The following EPAS1 variants were observed in gnomAD, a reference collection of about 807,000 sequenced individuals.
EPAS1 encodes endothelial PAS domain protein 1.
In EPAS1, 23 loss-of-function variants were observed where a neutral mutation model predicts 87.9. That is an observed-to-expected ratio of 0.26 (90% CI 0.19 to 0.37). The LOEUF (loss-of-function observed/expected upper bound fraction) is 0.37. Among genes scored for constraint, EPAS1 ranks in the 10% least tolerant of loss-of-function variants. EPAS1 has a pLI of 1.00. For missense variants in EPAS1, 1,138 were observed against 1,120.7 expected (o/e 1.02, Z -0.22); for synonymous variants, 508 against 444.3 (o/e 1.14, Z -1.80).
rs114880207 is a variant in EPAS1, at chr2:46,369,752, G to T, written c.780-75G>T. 5.2e-4 allele frequency: 545 copies of T among 1,057,748 alleles called. 3 individuals carry two copies. In the African/African-American group the frequency reaches 7.2e-3, roughly 14 times the overall value. 65.5% of individuals were successfully genotyped at this position (1,057,748 alleles called of 1,614,324 possible). A position where few individuals can be genotyped will look rare whatever the true frequency, so the allele number is the denominator to read the frequency against. ...GTGTGTGTTTGATTTGCCTTCTGGG[G>T]TTAGCTCCTGCCCACATGCTGTGCT... is the stretch of plus-strand genomic sequence containing the variant. On this transcript the variant is annotated intron_variant, in intron 6 of 15. Transcript: ENST00000263734.
chr2:46,382,982 G>A (rs1684935515), intron 15 of EPAS1, among the ~76,000 whole-genome samples: 1 of 152,214 alleles, frequency 6.6e-6, no homozygotes, highest in South Asian at 2.1e-4. Flanking sequence ...GGCCACAGTG[G>A]TGAGGGCCTG....
chr2:46,360,805 C>T lies in EPAS1; in HGVS notation c.573+49C>T, dbSNP rs531953897. Reference sequence around the variant, plus strand: ...TGGAGTCCCAGGTGTAGGGTAACGGCGGTGCAGGGGATGCCTAAGGCCCTA... The same window carrying T: ...TGGAGTCCCAGGTGTAGGGTAACGGTGGTGCAGGGGATGCCTAAGGCCCTA... On this transcript the variant is annotated intron_variant, in intron 5 of 15. Transcript: ENST00000263734. This position sits in a 1 kb window ranked among gnomAD's most constrained non-coding sequence, Gnocchi z 4.5. 15 of 1,610,846 alleles carry T rather than the reference C, an allele frequency of 9.3e-6. No homozygotes were observed. Among genetic ancestry groups the T allele is most frequent in the African/African-American group, 2.7e-5 (2 of 74,924 alleles).
intron 1 of EPAS1, among the ~76,000 whole-genome samples, chr2:46,328,415 G>A (rs962061874): frequency 6.6e-6 from 1 of 152,198 alleles, no homozygotes; most frequent in Non-Finnish European, 1.5e-5. Context: ...TTCTAAGGGA[G>A]GAAATGAGAT....
At chr2:46,320,862 C>T (rs867750440) in intron 1 of EPAS1, among the ~76,000 whole-genome samples, 1 of 151,982 alleles carries the variant, frequency 6.6e-6, no homozygotes. Flanking sequence ...GTGGTTAAAT[C>T]GTTTTTTATT....
Position 46,377,963 on chromosome 2 carries a change from C to T in EPAS1, c.1319C>T (p.Thr440Met), listed in dbSNP as rs540130771. 58 of 1,565,584 alleles carry T rather than the reference C, an allele frequency of 3.7e-5. No individual in the cohort carries two copies. The highest frequency in any genetic ancestry group is 1.7e-4 in the Middle Eastern group (1 of 5,994). The part of the protein sequence containing the change: ...AILPPSQPWA[T>M]ELRSHSTQSE... ...CTGCCCCCGAGCCAGCCATGGGCCA[C>T]GGAGTTGAGGAGCCACAGCACCCAG... Residue 440 changes from threonine (T) to methionine (M), a missense_variant, in exon 10 of 16, where the codon ACG (threonine) becomes ATG (methionine). By Grantham distance (81) the Thr-to-Met change is moderately conservative. Transcript: ENST00000263734.
chr2:46,376,860 C>A, intron 9 of EPAS1, 107 bp downstream of exon 9: 1 of 1,140,702 alleles, frequency 8.8e-7, no homozygotes, highest in Non-Finnish European at 1.3e-6. Context: ...ACCAGAGCTA[C>A]CCCAGCCCCC....
At position 46,361,439 on chromosome 2, in the gene EPAS1, C is replaced by A. The variant is rs565887389; in HGVS notation, c.779+349C>A. On this transcript the variant is annotated intron_variant, in intron 6 of 15. Coordinates refer to ENST00000263734, the MANE Select transcript of EPAS1 (RefSeq NM_001430.5). The stretch of plus-strand genomic sequence containing the variant: ...CCAGGAGAAAGAGTCTAGAGACTTC[C>A]ATCTGTACTCCTGCTTCAGAGGCCA... Among the ~76,000 whole-genome samples, 678 of 152,300 alleles carry A rather than the reference C, an allele frequency of 4.5e-3. 6 individuals are homozygous for A. The highest frequency in any genetic ancestry group is 0.016 in the African/African-American group (649 of 41,546).
chr2:46,385,358 T>C lies in EPAS1; in HGVS notation c.*698T>C, dbSNP rs1684993086. The stretch of plus-strand genomic sequence containing the variant: ...GATTTTTTATTATTATTCAAAAACA[T>C]AACTGAGTTTTTTAAAAGAGGAGAA... On this transcript the variant is annotated 3_prime_UTR_variant, in exon 16 of 16. Coordinates refer to ENST00000263734, the MANE Select transcript of EPAS1 (RefSeq NM_001430.5). The C allele has an allele frequency of 6.6e-6, 1 of 152,226 alleles. No homozygotes were observed. The allele number at this position is 152,226 out of a possible 1,614,324, so 9.4% of individuals were successfully genotyped here. A position where few individuals can be genotyped will look rare whatever the true frequency, so the allele number is the denominator to read the frequency against.
chr2:46,335,704 C>G (rs1371951439), intron 1 of EPAS1: 2 of 151,868 alleles, frequency 1.3e-5, no homozygotes, highest in Non-Finnish European at 2.9e-5. Flanking sequence ...AAGCGCCCCA[C>G]CCCCACCTTA....
At chr2:46,381,088 T>G in intron 12 of EPAS1, 1 of 362,552 alleles carries the variant, frequency 2.8e-6, no homozygotes, top group Non-Finnish European at 5.2e-6. Context: ...CTGCCTCCCC[T>G]TGCCTTTTGG....
chr2:46,382,414 T>C lies in EPAS1; in HGVS notation c.2288-11T>C. The C allele has an allele frequency of 6.2e-7, 1 of 1,614,158 alleles. No homozygotes were observed. Among genetic ancestry groups the C allele is most frequent in the Non-Finnish European group, 8.5e-7 (1 of 1,180,030 alleles). On this transcript the variant is annotated splice_polypyrimidine_tract_variant and intron_variant, in intron 14 of 15. Coordinates refer to ENST00000263734, the MANE Select transcript of EPAS1 (RefSeq NM_001430.5). ...CAATGCTACCGTCACTCTCTGACTT[T>C]GGTCTTTCAGATAAGTTCACCCAAA...
In EPAS1 at chr2:46,384,836, A is replaced by AAAAATAGGGATAATAAAG; in HGVS notation, c.*176_*177insAAAATAGGGATAATAAAG. 1.4e-6 allele frequency: 1 copy of AAAAATAGGGATAATAAAG among 711,098 alleles called. No homozygotes were observed. The highest frequency in any genetic ancestry group is 2.3e-6 in the Non-Finnish European group (1 of 429,122). The allele number at this position is 711,098 out of a possible 1,614,324, so 44.0% of individuals were successfully genotyped here. A position where few individuals can be genotyped will look rare whatever the true frequency, so the allele number is the denominator to read the frequency against. On this transcript the variant is annotated 3_prime_UTR_variant, in exon 16 of 16. Coordinates refer to ENST00000263734, the MANE Select transcript of EPAS1 (RefSeq NM_001430.5). ...GGCCTTTTTCTGAGATGCTCACTTT[A>AAAAATAGGGATAATAAAG]TTATCCCTATTTTTAAAGTACACAA...
chr2:46,344,762 A>G (rs1159360669), intron 1 of EPAS1, among the ~76,000 whole-genome samples: 1 of 152,208 alleles, frequency 6.6e-6, no homozygotes, highest in Non-Finnish European at 1.5e-5. Flanking sequence ...GAAGGGAGAC[A>G]TGACGAGAAA....
intron 1 of EPAS1, among the ~76,000 whole-genome samples, chr2:46,321,528 A>G (rs987438049): frequency 1.3e-5 from 2 of 151,806 alleles, no homozygotes; most frequent in African/African-American, 4.8e-5. Context: ...CCCTGCTAAC[A>G]CTTGTTATTT....
At chr2:46,356,659 C>G (rs1166149245) in intron 3 of EPAS1, 65 bp from the exon 4 acceptor site, 4 of 1,318,040 alleles carry the variant, frequency 3.0e-6, no homozygotes, top group Non-Finnish European at 4.4e-6. Context: ...GGTGGCTCAG[C>G]TTACTCTTGG....
chr2:46,337,657 G>A (rs1246066498), intron 1 of EPAS1, among the ~76,000 whole-genome samples: 1 of 152,188 alleles, frequency 6.6e-6, no homozygotes, highest in African/African-American at 2.4e-5. Flanking sequence ...AGATGGTGTT[G>A]TTGGAAGCTT....
chr2:46,344,068 A>G (rs1245805530), intron 1 of EPAS1, among the ~76,000 whole-genome samples: 3 of 152,264 alleles, frequency 2.0e-5, no homozygotes, highest in Non-Finnish European at 2.9e-5. Flanking sequence ...GGCAAATGAC[A>G]TATTATTTCT....
chr2:46,321,200 A>G (rs1434239628), intron 1 of EPAS1, among the ~76,000 whole-genome samples: 1 of 152,258 alleles, frequency 6.6e-6, no homozygotes, highest in Non-Finnish European at 1.5e-5. Context: ...AAGTTACAAC[A>G]TGTATTCAAA....
At chr2:46,354,663 C>T (rs1684235369) in intron 2 of EPAS1, among the ~76,000 whole-genome samples, 1 of 151,946 alleles carries the variant, frequency 6.6e-6, no homozygotes, top group Non-Finnish European at 1.5e-5. Context: ...GTTGCCTGCT[C>T]ACTCTGTTTT....
Sources: gnomAD v4.1 joint callset for allele counts (sites outside exome capture counted in the v4.1 genomes callset) on GRCh38, gnomAD v4.1.1 for gene constraint, Gnocchi (gnomAD v3.1) non-coding constraint, MANE v1.5 for transcripts, NCBI Gene and HGNC (gene_info 2026-07-23, HGNC 2026-07-21) for gene names.